The following PRH1 variants were observed in gnomAD, a reference collection of about 807,000 sequenced individuals.
The protein encoded by PRH1 is salivary acidic proline-rich phosphoprotein 1/2.
In PRH1, 7 loss-of-function variants were observed where a neutral mutation model predicts 7.9. The observed-to-expected ratio is 0.89, with a 90% CI of 0.50 to 1.67. PRH1 has a LOEUF of 1.67. Among genes scored for constraint, PRH1 ranks in the 40% most tolerant of loss-of-function variants. PRH1 has a pLI of 0.00. For missense variants in PRH1, 109 were observed against 223.6 expected (o/e 0.49, Z 3.27); for synonymous variants, 45 against 80.8 (o/e 0.56, Z 2.38).
At chr12:10,955,480 T>C (rs1413530964) in intron 2 of PRH1, among the ~76,000 whole-genome samples, 2 of 151,978 alleles carry the variant, frequency 1.3e-5, no homozygotes, top group Non-Finnish European at 2.9e-5. Flanking sequence ...ATCAAAAAGT[T>C]AGAATGATCT....
At chr12:11,118,670 A>G (rs938029859), downstream of PRH1, among the ~76,000 whole-genome samples, 4 of 152,128 alleles carry the variant, frequency 2.6e-5, no homozygotes, top group African/African-American at 9.7e-5. Flanking sequence ...GGAAGCAATC[A>G]AAGTGTCCAG....
chr12:10,952,167 G>C (rs926085427), intron 2 of PRH1, among the ~76,000 whole-genome samples: 1 of 152,200 alleles, frequency 6.6e-6, no homozygotes, highest in African/African-American at 2.4e-5. Context: ...TGTGTTACTT[G>C]ATACAGAGAG....
chr12:11,147,892 C>A (rs1946916677), intron 1 of PRH1, among the ~76,000 whole-genome samples: 2 of 151,772 alleles, frequency 1.3e-5, no homozygotes, highest in South Asian at 2.1e-4. Context: ...TGGCCATTTT[C>A]ACGATATTGA....
chr12:11,162,983 G>A (rs1174242901), intron 1 of PRH1, among the ~76,000 whole-genome samples: 1 of 152,164 alleles, frequency 6.6e-6, no homozygotes, highest in Non-Finnish European at 1.5e-5. Context: ...ACTATGAAGT[G>A]ATACCTAATT....
chr12:11,042,623 C>T (rs1363947718), intron 1 of PRH1, among the ~76,000 whole-genome samples: 159 of 79,286 alleles, frequency 2.0e-3, no homozygotes, highest in Middle Eastern at 0.01. Flanking sequence ...CAGGCTCATT[C>T]TTTTTTTTTT....
chr12:11,105,156 G>A (rs1409277882), intron 1 of PRH1, among the ~76,000 whole-genome samples: 1 of 151,718 alleles, frequency 6.6e-6, no homozygotes, highest in Non-Finnish European at 1.5e-5. Flanking sequence ...ATACAGTAAG[G>A]GAAATTTCAG....
intron 1 of PRH1, among the ~76,000 whole-genome samples, chr12:11,004,158 A>G (rs1940718445): frequency 6.6e-6 from 1 of 151,996 alleles, no homozygotes; most frequent in African/African-American, 2.4e-5. Flanking sequence ...ATGCTCTCCA[A>G]AATTAGTAGA....
At chr12:11,147,057 T>C (rs1046219947) in intron 1 of PRH1, among the ~76,000 whole-genome samples, 3 of 152,226 alleles carry the variant, frequency 2.0e-5, no homozygotes, top group South Asian at 2.1e-4. Context: ...ATTTTCTATA[T>C]GTATTTTTCA....
chr12:11,020,362 C>CAATATATATATATATATA (rs150562236), intron 1 of PRH1, among the ~76,000 whole-genome samples: 2 of 130,492 alleles, frequency 1.5e-5, no homozygotes, highest in African/African-American at 5.9e-5. Flanking sequence ...GTATGATAAG[C>CAATATATATATATATATA]GATATATATA....
chr12:11,134,181 A>G, intron 1 of PRH1: 1 of 1,613,958 alleles, frequency 6.2e-7, no homozygotes, highest in South Asian at 1.1e-5. Flanking sequence ...CCATTAGCAA[A>G]ATTTCCAATA....
At chr12:10,943,269 T>C (rs1482386534) in intron 2 of PRH1, among the ~76,000 whole-genome samples, 5 of 152,202 alleles carry the variant, frequency 3.3e-5, no homozygotes, top group Non-Finnish European at 7.3e-5. Context: ...GTAATAGCCA[T>C]TCTGACTGGT....
At chr12:11,031,816 C>T (rs955620005) in intron 1 of PRH1, among the ~76,000 whole-genome samples, 2 of 152,182 alleles carry the variant, frequency 1.3e-5, no homozygotes, top group Admixed American at 1.3e-4. Flanking sequence ...GCTACAGAAA[C>T]GTTCTCCAAG....
At chr12:11,070,544 A>G (rs1217200288) in intron 1 of PRH1, among the ~76,000 whole-genome samples, 1 of 152,200 alleles carries the variant, frequency 6.6e-6, no homozygotes, top group African/African-American at 2.4e-5. Flanking sequence ...GAGACTTCCA[A>G]TAAAGTCTCT....
intron 2 of PRH1, among the ~76,000 whole-genome samples, chr12:10,944,743 AT>A (rs1002760788): frequency 6.6e-6 from 1 of 152,066 alleles, no homozygotes; most frequent in East Asian, 1.9e-4. Flanking sequence ...TCAATATCTA[AT>A]TTTTTGAAAT....
At chr12:10,909,763 T>C (rs1346707238) in intron 2 of PRH1, among the ~76,000 whole-genome samples, 1 of 152,252 alleles carries the variant, frequency 6.6e-6, no homozygotes, top group Non-Finnish European at 1.5e-5. Context: ...CTTTTATGGC[T>C]AATAGCATAG....
intron 2 of PRH1, among the ~76,000 whole-genome samples, chr12:10,900,655 T>G (rs1279274261): frequency 6.6e-6 from 1 of 152,240 alleles, no homozygotes; most frequent in African/African-American, 2.4e-5. Flanking sequence ...GGAACTAGTC[T>G]GTGTGTGTCA....
In PRH1 at chr12:11,102,069, A is replaced by G. The variant is rs554457521; in HGVS notation, n.124-54881T>C. Reference sequence around the variant, plus strand: ...ATACAAACAAATGGAAGAACATTCCATGCTCATGGATAGGAAGAATCAATA... The same window carrying G: ...ATACAAACAAATGGAAGAACATTCCGTGCTCATGGATAGGAAGAATCAATA... On this transcript the variant is annotated intron_variant and non_coding_transcript_variant, in intron 1 of 4. Coordinates refer to the PRH1 transcript ENST00000541977. Among the ~76,000 whole-genome samples, 23 of 152,324 alleles carry G rather than the reference A, an allele frequency of 1.5e-4. No individual in the cohort carries two copies. In the South Asian group the frequency reaches 4.6e-3, roughly 30 times the overall value.
intron 2 of PRH1, among the ~76,000 whole-genome samples, chr12:10,943,000 G>T (rs867218424): frequency 1.1e-4 from 16 of 152,186 alleles, no homozygotes; most frequent in African/African-American, 3.9e-4. Context: ...GTGTTTGGGG[G>T]CAGAGGATCT....
chr12:11,048,866 C>T (rs1159925632), upstream of PRH1: 3 of 276,238 alleles, frequency 1.1e-5, no homozygotes, highest in South Asian at 6.7e-5. Flanking sequence ...AACAGCATCA[C>T]CAAACCAACA....
Sources: gnomAD v4.1 joint callset for allele counts (sites outside exome capture counted in the v4.1 genomes callset) on GRCh38, gnomAD v4.1.1 for gene constraint, MANE v1.5 for transcripts, NCBI Gene and HGNC (gene_info 2026-07-23, HGNC 2026-07-21) for gene names.